Variants in CDKL2 observed in about 807,000 individuals in gnomAD.
CDKL2 encodes cyclin dependent kinase like 2, also known as cyclin-dependent kinase-like 2.
CDKL2 carries 64 observed loss-of-function variants against 63.9 expected under a neutral mutation model. The observed-to-expected ratio is 1.00, with a 90% CI of 0.82 to 1.23. The LOEUF (loss-of-function observed/expected upper bound fraction) is 1.23, where lower values mean the gene tolerates loss of function less well. CDKL2 is among the 50% of genes most tolerant of loss of function. The pLI, the probability that CDKL2 is intolerant of heterozygous loss-of-function variation, is 0.00. For missense variants in CDKL2, 656 were observed against 668.0 expected, an observed-to-expected ratio of 0.98 and a Z score of 0.20; for synonymous variants, 211 against 229.2, an observed-to-expected ratio of 0.92 and a Z score of 0.72.
At chr4:75,619,500 G>A (rs1415358194) in intron 2 of CDKL2, among the ~76,000 whole-genome samples, 2 of 147,392 alleles carry the variant, frequency 1.4e-5, no homozygotes, top group African/African-American at 5.0e-5. Flanking sequence ...GAATGTGCAG[G>A]TAGGCCAGAA....
At chr4:75,591,590 A>G (rs1728716762) in intron 12 of CDKL2, among the ~76,000 whole-genome samples, 1 of 152,156 alleles carries the variant, frequency 6.6e-6, no homozygotes, top group Non-Finnish European at 1.5e-5. Flanking sequence ...GAGTGAGACC[A>G]TGTCTCTAAA....
chr4:75,595,964 GGAAGGAAGGAAA>G (rs1378139132), intron 10 of CDKL2: 3 of 154,490 alleles, frequency 1.9e-5, no homozygotes, highest in Non-Finnish European at 2.2e-5. Context: ...GAGGAAGGAA[GGAAGGAAGGAAA>G]GAAGGAAGGA....
chr4:75,618,460 G>A (rs528213177), intron 2 of CDKL2, among the ~76,000 whole-genome samples: 45 of 151,838 alleles, frequency 3.0e-4, no homozygotes, highest in African/African-American at 9.4e-4. Context: ...CTCCGTGTTG[G>A]TCAGGCTGGT....
At position 75,603,857 on chromosome 4, in the gene CDKL2, C is replaced by T. The variant is rs1729310127; in HGVS notation, c.755G>A (p.Arg252His). ...EIKEREPLERRYPKLSEVVID... is the reference protein window; with the variant it reads ...EIKEREPLERHYPKLSEVVID... The stretch of plus-strand genomic sequence containing the variant: ...CACCACTTCAGAGAGCTTAGGATAG[C>T]GTCTTTCAAGAGGTTCTCTTTCCTT... The change falls in exon 6 of 14, where the codon CGC (arginine) becomes CAC (histidine). Residue 252 changes from arginine (R) to histidine (H), a missense_variant. By Grantham distance (29) the Arg-to-His change is conservative. Coordinates refer to ENST00000307465, the MANE Select transcript of CDKL2 (RefSeq NM_001330724.2). 4 of 1,612,952 alleles carry T rather than the reference C, an allele frequency of 2.5e-6. No homozygotes were observed. The highest frequency in any genetic ancestry group is 2.5e-6 in the Non-Finnish European group (3 of 1,179,624).
At chr4:75,594,443 G>C (rs1018720191) in intron 10 of CDKL2, among the ~76,000 whole-genome samples, 1 of 148,200 alleles carries the variant, frequency 6.7e-6, no homozygotes, top group Non-Finnish European at 1.5e-5. Flanking sequence ...GCGAGATTCT[G>C]ACTCGAAAAA....
intron 13 of CDKL2, among the ~76,000 whole-genome samples, chr4:75,579,608 G>T (rs1253578691): frequency 1.3e-5 from 2 of 152,124 alleles, no homozygotes; most frequent in African/African-American, 4.8e-5. Flanking sequence ...CCCGGGAGGT[G>T]GAGGTTGCAG....
Position 75,605,504 on chromosome 4 carries a change from G to A in CDKL2, c.655+18C>T. On this transcript the variant is annotated intron_variant, in intron 5 of 13. Transcript: ENST00000307465. ...CAGAAAAATCTCTAAAATTTAAAAT[G>A]CAGATGTGTAACCTTACCTAAACAC... 1 of 1,386,304 alleles carries A rather than the reference G, an allele frequency of 7.2e-7. No homozygotes were observed. Among genetic ancestry groups the A allele is most frequent in the Non-Finnish European group, 1.0e-6 (1 of 984,996 alleles). The allele number at this position is 1,386,304 out of a possible 1,614,324, so 85.9% of individuals were successfully genotyped here.
At position 75,626,020 on chromosome 4, in the gene CDKL2, G is replaced by T; in HGVS notation, c.-29-3C>A. 1.3e-6 allele frequency: 2 copies of T among 1,576,406 alleles called. No homozygotes were observed. The highest frequency in any genetic ancestry group is 1.7e-6 in the Non-Finnish European group (2 of 1,159,386). On this transcript the variant is annotated splice_region_variant and splice_polypyrimidine_tract_variant and intron_variant, in intron 1 of 13. Coordinates refer to ENST00000307465, the MANE Select transcript of CDKL2 (RefSeq NM_001330724.2). Reference sequence around the variant, plus strand: ...TTAAAGTCCGTAGAAACTTTTTGCTGTGAAAACCAAAACATAGATTTAACA... The same window carrying T: ...TTAAAGTCCGTAGAAACTTTTTGCTTTGAAAACCAAAACATAGATTTAACA...
chr4:75,600,280 C>T lies in CDKL2; in HGVS notation c.884+1G>A. On this transcript the variant is annotated splice_donor_variant, in intron 7 of 13. Coordinates refer to ENST00000307465, the MANE Select transcript of CDKL2 (RefSeq NM_001330724.2). LOFTEE classifies it high-confidence loss of function. ...CTGAAAAACATGGGTAAGTACTATA[C>T]CTCTCAGCAAATCCATCCATTTGAA... The T allele has an allele frequency of 6.2e-7, 1 of 1,606,216 alleles. No individual in the cohort carries two copies. Among genetic ancestry groups the T allele is most frequent in the Non-Finnish European group, 8.5e-7 (1 of 1,173,458 alleles).
intron 9 of CDKL2, 55 bp from the exon 10 acceptor site, chr4:75,596,395 C>G: frequency 8.9e-7 from 1 of 1,121,270 alleles, no homozygotes; most frequent in South Asian, 1.2e-5. Context: ...ATTATTTTTT[C>G]AAGCACAAAA....
At chr4:75,599,500 G>T (rs1249383595) in intron 7 of CDKL2, among the ~76,000 whole-genome samples, 1 of 139,626 alleles carries the variant, frequency 7.2e-6, no homozygotes, top group African/African-American at 2.7e-5. Context: ...GGTAGAGGTT[G>T]CAGTGAGCCA....
chr4:75,614,232 A>G, intron 3 of CDKL2, 23 bp downstream of exon 3: 1 of 1,468,880 alleles, frequency 6.8e-7, no homozygotes, highest in Non-Finnish European at 9.3e-7. Context: ...TGATAAAGCA[A>G]ATTATTTAAA....
chr4:75,584,987 G>A (rs56871534), intron 12 of CDKL2, among the ~76,000 whole-genome samples: 36,270 of 152,028 alleles, frequency 0.24, 4,690 homozygotes, highest in Middle Eastern at 0.36. Flanking sequence ...CAATTAAAAG[G>A]CAAAGACTGA....
intron 3 of CDKL2, among the ~76,000 whole-genome samples, chr4:75,608,758 C>T (rs1729543314): frequency 6.6e-6 from 1 of 152,010 alleles, no homozygotes; most frequent in Non-Finnish European, 1.5e-5. Flanking sequence ...CTTTGGGAGG[C>T]CGAGGCAGGC....
At chr4:75,585,468 C>T (rs1728435139) in intron 12 of CDKL2, among the ~76,000 whole-genome samples, 1 of 152,038 alleles carries the variant, frequency 6.6e-6, no homozygotes, top group African/African-American at 2.4e-5. Context: ...TGAGCTGTGC[C>T]TGTAGTCTTA....
Position 75,578,877 on chromosome 4 carries a change from A to G in CDKL2, c.*325T>C, listed in dbSNP as rs892735984. The stretch of plus-strand genomic sequence containing the variant: ...ACTTTTAATCATGGTAACTTAAAAT[A>G]TACAATCTCCTAACAGTAAATACAC... On this transcript the variant is annotated 3_prime_UTR_variant, in exon 14 of 14. Coordinates refer to ENST00000307465, the MANE Select transcript of CDKL2 (RefSeq NM_001330724.2). The G allele has an allele frequency of 6.5e-6, 1 of 152,676 alleles. No homozygotes were observed. Among genetic ancestry groups the G allele is most frequent in the South Asian group, 2.1e-4 (1 of 4,828 alleles). 9.5% of individuals were successfully genotyped at this position (152,676 alleles called of 1,614,324 possible).
rs1728745238 is a variant in CDKL2 at position 75,592,207 on chromosome 4, A to C, written c.1479T>G (p.Asp493Glu). The change falls in exon 11 of 14, where the codon GAT becomes GAG. Residue 493 changes from aspartate (D) to glutamate (E), a missense_variant. By Grantham distance (45) the Asp-to-Glu change is conservative (BLOSUM62 2). Coordinates refer to ENST00000307465, the MANE Select transcript of CDKL2 (RefSeq NM_001330724.2). ...TATAGTTTAGTTCAGGCAAACGGAC[A>C]TCTGTCCTGGAGTATTCTCTTCTTT... ...SKKRREYSRT[D>E]VRLPELNYNH... The C allele has an allele frequency of 6.5e-7, 1 of 1,535,416 alleles. No homozygotes were observed. Among genetic ancestry groups the C allele is most frequent in the Non-Finnish European group, 8.7e-7 (1 of 1,146,540 alleles).
intron 1 of CDKL2, among the ~76,000 whole-genome samples, chr4:75,629,290 T>C (rs914748179): frequency 1.3e-5 from 2 of 152,252 alleles, no homozygotes; most frequent in African/African-American, 4.8e-5. Flanking sequence ...AAAATGACTT[T>C]AAGCATGTCT....
Position 75,603,966 on chromosome 4 carries a change from A to C in CDKL2, c.656-10T>G. The C allele has an allele frequency of 6.2e-7, 1 of 1,601,572 alleles. No homozygotes were observed. On this transcript the variant is annotated splice_polypyrimidine_tract_variant and intron_variant, in intron 5 of 13. Coordinates refer to ENST00000307465, the MANE Select transcript of CDKL2 (RefSeq NM_001330724.2). The stretch of plus-strand genomic sequence containing the variant: ...CTTGGAATTAGATTACCTGGAAGTG[A>C]AAACAGCACATATCTCTGTTATTAT...
Sources: allele counts gnomAD v4.1 joint callset (sites outside exome capture counted in the v4.1 genomes callset), GRCh38; gene constraint gnomAD v4.1.1; transcripts MANE v1.5; gene names NCBI Gene and HGNC (gene_info 2026-07-23, HGNC 2026-07-21).